SLC29A4: variants seen among roughly 807,000 people sequenced by gnomAD.
SLC29A4 encodes equilibrative nucleoside transporter 4.
SLC29A4 carries 36 observed loss-of-function variants against 43.9 expected under a neutral mutation model. The ratio of observed to expected loss-of-function variants is 0.82; its 90% CI spans 0.63 to 1.08. The LOEUF is 1.08. SLC29A4 is among the 50% of genes least tolerant of loss of function. The probability of loss-of-function intolerance (pLI) is 0.00; values close to 1 mark genes in which losing one functional copy is unlikely to be tolerated. For missense variants in SLC29A4, 869 were observed against 755.3 expected (o/e 1.15, Z -1.77); for synonymous variants, 491 against 338.0 (o/e 1.45, Z -4.97).
chr7:5,286,239 CAT>C (rs1355601230), intron 1 of SLC29A4, among the ~76,000 whole-genome samples: 2 of 151,984 alleles, frequency 1.3e-5, no homozygotes, highest in African/African-American at 4.8e-5. Flanking sequence ...AGAAAAAAAT[CAT>C]AGGCTGGATG....
intron 1 of SLC29A4, among the ~76,000 whole-genome samples, 198 bp downstream of exon 1, chr7:5,283,280 C>T (rs1243687186): frequency 6.6e-6 from 1 of 151,510 alleles, no homozygotes; most frequent in South Asian, 2.1e-4. Flanking sequence ...CGGCGACAAG[C>T]GCGGACCCGG....
chr7:5,286,496 C>T (rs1177753312), intron 1 of SLC29A4, among the ~76,000 whole-genome samples: 3 of 149,752 alleles, frequency 2.0e-5, no homozygotes, highest in East Asian at 3.9e-4. Flanking sequence ...GCACTCCAGC[C>T]TGGGCGACAG....
chr7:5,286,663 C>G (rs1414296826), intron 1 of SLC29A4, among the ~76,000 whole-genome samples: 1 of 152,144 alleles, frequency 6.6e-6, no homozygotes, highest in Admixed American at 6.5e-5. Flanking sequence ...AAGGTCAGGG[C>G]TGGCAGATCC....
Position 5,303,127 on chromosome 7 carries a change from C to G in SLC29A4, c.*188C>G. The stretch of plus-strand genomic sequence containing the variant: ...AAGTTCTGCAAAGTCCTCCGAGGAC[C>G]GGAACACGTTTCTGCGACCCGGGGC... On this transcript the variant is annotated 3_prime_UTR_variant, in exon 11 of 11. Transcript: ENST00000396872. The G allele has an allele frequency of 4.3e-6, 3 of 696,412 alleles. No individual in the cohort carries two copies. Among genetic ancestry groups the G allele is most frequent in the Non-Finnish European group, 2.4e-6 (1 of 425,410 alleles). The allele number at this position is 696,412 out of a possible 1,614,324, so 43.1% of individuals were successfully genotyped here.
chr7:5,293,641 G>C (rs1000186959), intron 5 of SLC29A4, among the ~76,000 whole-genome samples: 1 of 151,982 alleles, frequency 6.6e-6, no homozygotes, highest in Non-Finnish European at 1.5e-5. Flanking sequence ...AAAAAATGCT[G>C]TGACTAGATT....
At position 5,284,046 on chromosome 7, in the gene SLC29A4, C is replaced by G. The variant is rs780485575; in HGVS notation, c.-9+964C>G. Among the ~76,000 whole-genome samples the G allele has an allele frequency of 5.2e-3, 656 of 125,932 alleles. 18 individuals carry two copies. Among genetic ancestry groups the G allele is most frequent in the Non-Finnish European group, 7.2e-3 (417 of 57,544 alleles). 82.6% of individuals were successfully genotyped at this position (125,932 alleles called of 152,430 possible). A position where few individuals can be genotyped will look rare whatever the true frequency, so the allele number is the denominator to read the frequency against. Reference sequence around the variant, plus strand: ...TGAGCTGCACGACCCCCCCCCCCACCCCCGACTTGGCCTCTCTGTGCCTCA... The same window carrying G: ...TGAGCTGCACGACCCCCCCCCCCACGCCCGACTTGGCCTCTCTGTGCCTCA... On this transcript the variant is annotated intron_variant, in intron 1 of 10. Transcript: ENST00000396872.
Position 5,291,242 on chromosome 7 carries a change from G to T in SLC29A4, c.415+5G>T, listed in dbSNP as rs947180705. 2.5e-6 allele frequency: 4 copies of T among 1,609,514 alleles called. No homozygotes were observed. Among genetic ancestry groups the T allele is most frequent in the Non-Finnish European group, 3.4e-6 (4 of 1,178,538 alleles). On this transcript the variant is annotated splice_donor_5th_base_variant and intron_variant, in intron 4 of 10. Coordinates refer to ENST00000396872, the MANE Select transcript of SLC29A4 (RefSeq NM_153247.4). ...TGCACACCAGGATCACCGCAGGTGCGCTGGGCCCCGCCACGGGACACCTGC... is the reference window on the plus strand; with the variant it reads ...TGCACACCAGGATCACCGCAGGTGCTCTGGGCCCCGCCACGGGACACCTGC...
chr7:5,298,268 C>T (rs1785857277), intron 7 of SLC29A4, among the ~76,000 whole-genome samples: 1 of 152,154 alleles, frequency 6.6e-6, no homozygotes, highest in South Asian at 2.1e-4. Flanking sequence ...GCGTCCCTCT[C>T]ATGGTCAGGG....
At position 5,303,908 on chromosome 7, in the gene SLC29A4, C is replaced by T. The variant is rs1165639990; in HGVS notation, c.*969C>T. ...TCAGGGGATCCTAAGGGTGTCCTTC[C>T]AGAGACGGTGTTTCCAGGGGGAGGA... On this transcript the variant is annotated 3_prime_UTR_variant, in exon 11 of 11. Transcript: ENST00000396872. The T allele has an allele frequency of 1.3e-5, 2 of 152,360 alleles. No homozygotes were observed. Among genetic ancestry groups the T allele is most frequent in the East Asian group, 1.9e-4 (1 of 5,206 alleles). The allele number at this position is 152,360 out of a possible 1,614,324, so 9.4% of individuals were successfully genotyped here.
Position 5,296,982 on chromosome 7 carries a change from G to T in SLC29A4, c.666G>T (p.Leu222=), listed in dbSNP as rs753798003. 6.2e-7 allele frequency: 1 copy of T among 1,602,516 alleles called. No homozygotes were observed. Among genetic ancestry groups the T allele is most frequent in the African/African-American group, 1.3e-5 (1 of 74,908 alleles). The change falls in exon 7 of 11, where the codon CTG becomes CTT. Residue 222 remains leucine, a synonymous_variant. Transcript: ENST00000396872. ...CTCTGAGCCGCATCCTCACGAAGCT[G>T]CTGCTGCCCGACGAGCGCGCCAGCA... ...MISLSRILTK[L]LLPDERASTL... is the part of the protein sequence containing the mutation.
Position 5,283,076 on chromosome 7 carries a change from G to GGCCGA in SLC29A4, c.-13_-9dup, listed in dbSNP as rs1562436087. ...GCGCCGAGGACCCCAGGCCGGGCCG[G>GGCCGA]GCCGAGGTAAGCGGTGGCCGCGGGA... On this transcript the variant is annotated 5_prime_UTR_variant, in exon 1 of 11. Coordinates refer to ENST00000396872, the MANE Select transcript of SLC29A4 (RefSeq NM_153247.4). 2.0e-5 allele frequency: 3 copies of GGCCGA among 148,228 alleles called. No individual in the cohort carries two copies. The highest frequency in any genetic ancestry group is 2.1e-4 in the South Asian group (1 of 4,804). 9.2% of individuals were successfully genotyped at this position (148,228 alleles called of 1,614,324 possible).
At chr7:5,295,925 C>G (rs1785621121) in intron 6 of SLC29A4, among the ~76,000 whole-genome samples, 1 of 146,592 alleles carries the variant, frequency 6.8e-6, no homozygotes, top group South Asian at 2.6e-4. Context: ...CCTGTCCACC[C>G]TCACGGGGTG....
chr7:5,302,123 G>A (rs985161199), intron 10 of SLC29A4, among the ~76,000 whole-genome samples: 1 of 152,104 alleles, frequency 6.6e-6, no homozygotes, highest in Non-Finnish European at 1.5e-5. Context: ...GCGAATGTTT[G>A]TATTTTTAGT....
chr7:5,291,337 C>T (rs1562445220), intron 4 of SLC29A4, 100 bp downstream of exon 4: 4 of 1,161,782 alleles, frequency 3.4e-6, no homozygotes, highest in East Asian at 5.1e-5. Context: ...CTCCCCTCGT[C>T]TGTAAAATGG....
At chr7:5,301,108 T>TA (rs1177518295) in intron 10 of SLC29A4, among the ~76,000 whole-genome samples, 1 of 151,842 alleles carries the variant, frequency 6.6e-6, no homozygotes, top group African/African-American at 2.4e-5. Context: ...CAAAAATGTT[T>TA]AAAAAATTAG....
intron 1 of SLC29A4, among the ~76,000 whole-genome samples, chr7:5,283,675 G>A (rs981287075): frequency 7.2e-5 from 11 of 152,312 alleles, no homozygotes; most frequent in East Asian, 3.9e-4. Context: ...GGCCGGAGGG[G>A]CTTGTAACCC....
chr7:5,294,785 G>T, intron 5 of SLC29A4, 75 bp from the exon 6 acceptor site: 1 of 1,487,326 alleles, frequency 6.7e-7, no homozygotes, highest in South Asian at 1.1e-5. Flanking sequence ...CACCAACACA[G>T]TTCTCTAGTG....
intron 7 of SLC29A4, among the ~76,000 whole-genome samples, chr7:5,297,996 G>T (rs921769222): frequency 2.0e-5 from 3 of 152,186 alleles, no homozygotes; most frequent in Middle Eastern, 3.2e-3. Flanking sequence ...AGCCCCCCAG[G>T]CTCAGGGCCG....
In SLC29A4 at chr7:5,290,870, C is replaced by G. The variant is rs765844157; in HGVS notation, c.301+7C>G. On this transcript the variant is annotated splice_region_variant and intron_variant, in intron 3 of 10. Transcript: ENST00000396872. ...CTGCATCACAAGTACCCAGGTGGGT[C>G]CCTCCACGGTCACGCCCAGCCACTC... The G allele has an allele frequency of 1.2e-6, 2 of 1,606,990 alleles. No individual in the cohort carries two copies. The highest frequency in any genetic ancestry group is 1.7e-6 in the Non-Finnish European group (2 of 1,176,182).
Sources: gnomAD v4.1 joint callset for allele counts (sites outside exome capture counted in the v4.1 genomes callset) on GRCh38, gnomAD v4.1.1 for gene constraint, MANE v1.5 for transcripts, NCBI Gene and HGNC (gene_info 2026-07-23, HGNC 2026-07-21) for gene names.